The following GABRG3 variants were observed in gnomAD, a reference collection of about 807,000 sequenced individuals.
GABRG3 encodes the protein gamma-aminobutyric acid type A receptor subunit gamma3, also known as gamma-aminobutyric acid receptor subunit gamma-3.
In GABRG3, 25 loss-of-function variants were observed where a neutral mutation model predicts 48.8. The observed-to-expected ratio is 0.51, with a 90% CI of 0.37 to 0.72. GABRG3 has a LOEUF of 0.72. Among genes scored for constraint, GABRG3 ranks in the 30% least tolerant of loss-of-function variants. The probability of loss-of-function intolerance (pLI) is 0.00; values close to 1 mark genes in which losing one functional copy is unlikely to be tolerated. For missense variants in GABRG3, 394 were observed against 577.9 expected (o/e 0.68, Z 3.26); for synonymous variants, 227 against 217.6 (o/e 1.04, Z -0.38).
rs553173170 is a variant in GABRG3 at position 27,109,667 on chromosome 15, G to A, written c.270+82846G>A. Among the ~76,000 whole-genome samples the A allele has an allele frequency of 1.2e-4, 19 of 152,260 alleles. No homozygotes were observed. In the East Asian group the frequency reaches 2.5e-3, roughly 20 times the overall value. On this transcript the variant is annotated intron_variant, in intron 3 of 9. Transcript: ENST00000615808. ...GGAGGCTGAGGTGGGCGAATCACCC[G>A]GACTCAGGAGTTTGAGACCAGCCTG...
Position 27,532,991 on chromosome 15 carries a change from TA to T in GABRG3, c.*111del. On this transcript the variant is annotated 3_prime_UTR_variant, in exon 10 of 10. Transcript: ENST00000615808. Reference sequence around the variant, plus strand: ...TAGCAAGGAAGGACACTGCCCAGTGTATCTTGTTATAAATGACCTTTCAGCA... The same window carrying T: ...TAGCAAGGAAGGACACTGCCCAGTGTTCTTGTTATAAATGACCTTTCAGCA... 1 of 1,001,648 alleles carries T rather than the reference TA, an allele frequency of 1.0e-6. No individual in the cohort carries two copies. Among genetic ancestry groups the T allele is most frequent in the Non-Finnish European group, 1.4e-6 (1 of 692,946 alleles). The allele number at this position is 1,001,648 out of a possible 1,614,324, so 62.0% of individuals were successfully genotyped here.
At chr15:27,119,450 C>T (rs767662719) in intron 3 of GABRG3, among the ~76,000 whole-genome samples, 4 of 152,080 alleles carry the variant, frequency 2.6e-5, no homozygotes, top group South Asian at 2.1e-4. Context: ...GTCCTGTAGA[C>T]GTGGTTAGTT....
chr15:27,168,903 T>C (rs1887470124), intron 3 of GABRG3, among the ~76,000 whole-genome samples: 2 of 152,256 alleles, frequency 1.3e-5, no homozygotes, highest in Admixed American at 6.5e-5. Context: ...AGCCAAGTTC[T>C]TGCAGAGGAA....
intron 3 of GABRG3, among the ~76,000 whole-genome samples, chr15:27,105,193 C>T (rs1022495932): frequency 5.3e-5 from 8 of 152,084 alleles, no homozygotes; most frequent in East Asian, 1.9e-4. Flanking sequence ...TGAAGAGGAA[C>T]GTTACATAAT....
intron 3 of GABRG3, among the ~76,000 whole-genome samples, chr15:27,153,108 G>A (rs1055426266): frequency 8.5e-5 from 13 of 152,070 alleles, no homozygotes; most frequent in South Asian, 2.1e-4. Flanking sequence ...TGATCCGCCC[G>A]CCTCGGCCTC....
chr15:27,256,115 G>A (rs1229902764), intron 3 of GABRG3, among the ~76,000 whole-genome samples: 1 of 152,158 alleles, frequency 6.6e-6, no homozygotes, highest in African/African-American at 2.4e-5. Flanking sequence ...GTAAGAGGGA[G>A]GCAAGAGGGT....
At chr15:27,491,361 A>G (rs997765413) in intron 6 of GABRG3, among the ~76,000 whole-genome samples, 8 of 152,140 alleles carry the variant, frequency 5.3e-5, no homozygotes, top group Admixed American at 5.2e-4. Flanking sequence ...CCAGCCAAGC[A>G]CCTCCCAGCC....
At chr15:27,086,399 T>C (rs987820675) in intron 3 of GABRG3, among the ~76,000 whole-genome samples, 2 of 152,194 alleles carry the variant, frequency 1.3e-5, no homozygotes, top group African/African-American at 4.8e-5. Flanking sequence ...CGGGCACGTC[T>C]CTGAGCTTAG....
At position 26,974,331 on chromosome 15, in the gene GABRG3, G is replaced by A. The variant is rs144776687; in HGVS notation, c.54-2671G>A. Among the ~76,000 whole-genome samples, 43 of 152,276 alleles carry A rather than the reference G, an allele frequency of 2.8e-4. 1 individual carries two copies. The highest frequency in any genetic ancestry group is 9.9e-4 in the African/African-American group (41 of 41,542). On this transcript the variant is annotated intron_variant, in intron 1 of 9. Coordinates refer to ENST00000615808, the MANE Select transcript of GABRG3 (RefSeq NM_033223.5). This position sits in a 1 kb window ranked among gnomAD's most constrained non-coding sequence, Gnocchi z 4.3. ...TCATCACCACTAGAGGGAGAATTAG[G>A]CTTATTACAATACCTGTAAGTAGCT...
At chr15:27,218,072 C>T (rs1291983502) in intron 3 of GABRG3, among the ~76,000 whole-genome samples, 4 of 152,286 alleles carry the variant, frequency 2.6e-5, no homozygotes, top group South Asian at 2.1e-4. Context: ...TGCAACTCTG[C>T]GATTACAGCT....
chr15:27,410,591 A>G lies in GABRG3; in HGVS notation c.575-70059A>G, dbSNP rs2140598225. On this transcript the variant is annotated intron_variant, in intron 5 of 9. Coordinates refer to ENST00000615808, the MANE Select transcript of GABRG3 (RefSeq NM_033223.5). ...GATTACTTATTTTATATTGACTGACATTTGACAGTTTCCTTCTGGTGAATC... is the reference window on the plus strand; with the variant it reads ...GATTACTTATTTTATATTGACTGACGTTTGACAGTTTCCTTCTGGTGAATC... Among the ~76,000 whole-genome samples, 3 of 152,280 alleles carry G rather than the reference A, an allele frequency of 2.0e-5. No homozygotes were observed. In the South Asian group the frequency reaches 6.2e-4, roughly 32 times the overall value.
At chr15:27,111,787 C>T (rs1566938179) in intron 3 of GABRG3, among the ~76,000 whole-genome samples, 1 of 152,158 alleles carries the variant, frequency 6.6e-6, no homozygotes, top group African/African-American at 2.4e-5. Context: ...AGGTCTGCAT[C>T]TCAGGGCTGT....
chr15:27,025,537 C>T (rs1376688977), intron 2 of GABRG3, among the ~76,000 whole-genome samples: 1 of 152,148 alleles, frequency 6.6e-6, no homozygotes, highest in Non-Finnish European at 1.5e-5. Flanking sequence ...TCTTGCAGCT[C>T]ACGTGACTTG....
At chr15:27,043,281 T>A (rs962382665) in intron 3 of GABRG3, among the ~76,000 whole-genome samples, 1 of 152,230 alleles carries the variant, frequency 6.6e-6, no homozygotes, top group African/African-American at 2.4e-5. Context: ...TATTTATCCA[T>A]CAGGCTAGGA....
Position 27,237,650 on chromosome 15 carries a change from G to A in GABRG3, c.271-89159G>A, listed in dbSNP as rs544772334. 9.2e-4 allele frequency among the ~76,000 whole-genome samples: 140 copies of A among 152,340 alleles called. 1 individual carries two copies. The highest frequency in any genetic ancestry group is 3.2e-3 in the African/African-American group (131 of 41,582). On this transcript the variant is annotated intron_variant, in intron 3 of 9. Coordinates refer to ENST00000615808, the MANE Select transcript of GABRG3 (RefSeq NM_033223.5). ...AAGTGCAAAGTAATGTATTAAACTGGATGTGATTTTCAAAAGAGAAGCAAC... is the reference window on the plus strand; with the variant it reads ...AAGTGCAAAGTAATGTATTAAACTGAATGTGATTTTCAAAAGAGAAGCAAC...
intron 3 of GABRG3, among the ~76,000 whole-genome samples, chr15:27,100,876 A>G (rs548860981): frequency 2.5e-4 from 38 of 152,346 alleles, no homozygotes; most frequent in Non-Finnish European, 4.0e-4. Flanking sequence ...GGTAGCATCA[A>G]ACTTGATGGT....
intron 5 of GABRG3, among the ~76,000 whole-genome samples, chr15:27,448,773 C>T (rs1205169695): frequency 1.3e-5 from 2 of 151,984 alleles, no homozygotes; most frequent in Non-Finnish European, 2.9e-5. Context: ...CATAGGAGTG[C>T]CATGCCTGTA....
chr15:27,398,666 G>GCGCACACACA (rs56278943), intron 5 of GABRG3, among the ~76,000 whole-genome samples: 16 of 147,306 alleles, frequency 1.1e-4, no homozygotes, highest in South Asian at 4.3e-4. Flanking sequence ...ACAAGCGCGC[G>GCGCACACACA]CACACACACA....
chr15:27,134,698 C>G (rs1295948556), intron 3 of GABRG3, among the ~76,000 whole-genome samples: 2 of 152,198 alleles, frequency 1.3e-5, no homozygotes, highest in Non-Finnish European at 2.9e-5. Context: ...AAAGTCACCT[C>G]CTCCAGGAAG....
Sources: gnomAD v4.1 joint callset for allele counts (sites outside exome capture counted in the v4.1 genomes callset) on GRCh38, gnomAD v4.1.1 for gene constraint, Gnocchi (gnomAD v3.1) non-coding constraint, MANE v1.5 for transcripts, NCBI Gene and HGNC (gene_info 2026-07-23, HGNC 2026-07-21) for gene names.